The following AKIP1 variants were observed in gnomAD, a reference collection of about 807,000 sequenced individuals.
The protein encoded by AKIP1 is A-kinase-interacting protein 1.
A neutral mutation model predicts 22.3 loss-of-function variants in AKIP1; 18 were observed. The ratio of observed to expected loss-of-function variants is 0.81; its 90% CI spans 0.56 to 1.19. The LOEUF is 1.19. Ranked by LOEUF, AKIP1 falls within the 50% of genes most tolerant of loss-of-function variation. The pLI, the probability that AKIP1 is intolerant of heterozygous loss-of-function variation, is 0.00. For missense variants in AKIP1, 287 were observed against 264.6 expected (o/e 1.08, Z -0.59); for synonymous variants, 120 against 102.7 (o/e 1.17, Z -1.02).
At chr11:8,916,787 G>A (rs1205388032) in intron 4 of AKIP1, among the ~76,000 whole-genome samples, 1 of 152,172 alleles carries the variant, frequency 6.6e-6, no homozygotes. Flanking sequence ...CCTAAAGGGT[G>A]CACTTAGGTA....
At chr11:8,916,044 T>G (rs1435811556) in intron 4 of AKIP1, among the ~76,000 whole-genome samples, 2 of 151,914 alleles carry the variant, frequency 1.3e-5, no homozygotes, top group Non-Finnish European at 1.5e-5. Context: ...ATGGTCTCGA[T>G]CTCCCGACCT....
Position 8,914,817 on chromosome 11 carries a change from C to T in AKIP1, c.304-9C>T, listed in dbSNP as rs753328281. ...TGGTTAGCTAACATCTTTGACATTA[C>T]GTCTCTAGAAATATTATTCATCTGT... On this transcript the variant is annotated splice_polypyrimidine_tract_variant and intron_variant, in intron 3 of 5. Coordinates refer to ENST00000309377, the MANE Select transcript of AKIP1 (RefSeq NM_020642.4). 13 of 1,594,132 alleles carry T rather than the reference C, an allele frequency of 8.2e-6. No homozygotes were observed. The highest frequency in any genetic ancestry group is 2.7e-5 in the African/African-American group (2 of 74,524).
chr11:8,911,414 C>T, intron 1 of AKIP1, 30 bp from the exon 2 acceptor site: 1 of 1,533,944 alleles, frequency 6.5e-7, no homozygotes, highest in Non-Finnish European at 8.8e-7. Flanking sequence ...AGCTGACCCG[C>T]CGGCGTTTGT....
intron 4 of AKIP1, among the ~76,000 whole-genome samples, chr11:8,916,080 A>G (rs537180109): frequency 6.6e-6 from 1 of 152,128 alleles, no homozygotes; most frequent in East Asian, 1.9e-4. Flanking sequence ...TCGGCCTCCC[A>G]AAGTGCTGGG....
intron 5 of AKIP1, chr11:8,917,679 C>T (rs2064507745): frequency 2.2e-6 from 1 of 448,334 alleles, no homozygotes. Context: ...GCTGGAATTC[C>T]ACCATCTGTT....
chr11:8,919,237 A>C, intron 5 of AKIP1, 100 bp from the exon 6 acceptor site: 3 of 1,176,374 alleles, frequency 2.6e-6, no homozygotes, highest in East Asian at 2.4e-5. Flanking sequence ...TTAGCGCTTC[A>C]TTCCATCACA....
chr11:8,919,324 C>T lies in AKIP1; in HGVS notation c.490-13C>T. 1 of 1,608,842 alleles carries T rather than the reference C, an allele frequency of 6.2e-7. No homozygotes were observed. Among genetic ancestry groups the T allele is most frequent in the Non-Finnish European group, 8.5e-7 (1 of 1,178,376 alleles). ...AAAATCTCTAAACTGCTAATATCCT[C>T]TTTTCCTTCTAGGCTGAGAACATCT... On this transcript the variant is annotated splice_polypyrimidine_tract_variant and intron_variant, in intron 5 of 5. Transcript: ENST00000309377.
intron 4 of AKIP1, among the ~76,000 whole-genome samples, chr11:8,916,156 G>A (rs769001723): frequency 1.3e-4 from 19 of 151,688 alleles, no homozygotes; most frequent in Admixed American, 7.2e-4. Flanking sequence ...GAGTTTCACC[G>A]TGTTGGCCAG....
At chr11:8,919,299 A>G (rs768337859) in intron 5 of AKIP1, 38 bp from the exon 6 acceptor site, 1 of 1,594,370 alleles carries the variant, frequency 6.3e-7, no homozygotes, top group Admixed American at 1.8e-5. Context: ...ACTGGGGTAT[A>G]AAATCTCTAA....
At chr11:8,911,783 C>T in intron 2 of AKIP1, 112 bp downstream of exon 2, 1 of 1,087,222 alleles carries the variant, frequency 9.2e-7, no homozygotes, top group African/African-American at 1.6e-5. Context: ...TTAGCGGAAG[C>T]TGGAAAGGAT....
chr11:8,915,635 T>C (rs1453898827), intron 4 of AKIP1, among the ~76,000 whole-genome samples: 2 of 150,362 alleles, frequency 1.3e-5, no homozygotes, highest in Non-Finnish European at 3.0e-5. Flanking sequence ...TGTCATGTCT[T>C]TGGTAATTTT....
intron 3 of AKIP1, among the ~76,000 whole-genome samples, chr11:8,913,232 G>A (rs1405140431): frequency 6.8e-6 from 1 of 146,116 alleles, no homozygotes. Context: ...CCAGGCTGGT[G>A]TGCAGTGGCT....
chr11:8,912,472 C>A lies in AKIP1; in HGVS notation c.242C>A (p.Thr81Asn). 2 of 1,614,062 alleles carry A rather than the reference C, an allele frequency of 1.2e-6. No homozygotes were observed. The highest frequency in any genetic ancestry group is 1.7e-6 in the Non-Finnish European group (2 of 1,179,920). Residue 81 changes from threonine to asparagine, a missense_variant, in exon 3 of 6, where the codon ACC becomes AAC. Transcript: ENST00000309377. ...LPGEREERPP[T>N]LSASFRTMAE... is the part of the protein sequence containing the mutation. ...AAATAGAGAGAAGAGAGACCCCCAACCCTTAGTGCTTCCTTCAGAACAATG... is the reference window on the plus strand; with the variant it reads ...AAATAGAGAGAAGAGAGACCCCCAAACCTTAGTGCTTCCTTCAGAACAATG...
chr11:8,915,738 A>G (rs2064473997), intron 4 of AKIP1, among the ~76,000 whole-genome samples: 1 of 148,556 alleles, frequency 6.7e-6, no homozygotes, highest in South Asian at 2.1e-4. Flanking sequence ...TCCCAGGTTC[A>G]GACAATTCTG....
chr11:8,919,326 T>C lies in AKIP1; in HGVS notation c.490-11T>C. 6.2e-7 allele frequency: 1 copy of C among 1,608,828 alleles called. No homozygotes were observed. The highest frequency in any genetic ancestry group is 1.3e-5 in the African/African-American group (1 of 74,700). On this transcript the variant is annotated splice_polypyrimidine_tract_variant and intron_variant, in intron 5 of 5. Transcript: ENST00000309377. ...AATCTCTAAACTGCTAATATCCTCT[T>C]TTCCTTCTAGGCTGAGAACATCTCT...
At chr11:8,914,006 C>G (rs2064439656) in intron 3 of AKIP1, among the ~76,000 whole-genome samples, 1 of 152,212 alleles carries the variant, frequency 6.6e-6, no homozygotes, top group African/African-American at 2.4e-5. Flanking sequence ...GCCTCAGAAC[C>G]TCTTGGCTTT....
chr11:8,917,485 TTC>T (rs2064504294), intron 5 of AKIP1, 118 bp downstream of exon 5: 1 of 815,932 alleles, frequency 1.2e-6, no homozygotes. Context: ...AGTTGAGATG[TTC>T]TTACACTTAA....
chr11:8,911,246 G>C (rs2064331343), intron 1 of AKIP1, 23 bp downstream of exon 1: 1 of 577,674 alleles, frequency 1.7e-6, no homozygotes, highest in Non-Finnish European at 3.1e-6. Flanking sequence ...CCTAAGTAGC[G>C]GAAGGGGTAG....
chr11:8,917,349 T>C lies in AKIP1; in HGVS notation c.471T>C (p.Ala157=), dbSNP rs772320063. ...PGGSYQISEH[A]PEASQPAENI... is the part of the protein sequence containing the mutation. ...GCAGCTATCAAATATCAGAGCATGC[T>C]CCAGAGGCATCCCAGCCTGTGAGTA... The change falls in exon 5 of 6, where the codon GCT becomes GCC. Residue 157 remains alanine (A), a synonymous_variant. Transcript: ENST00000309377. The C allele has an allele frequency of 6.2e-7, 1 of 1,613,560 alleles. No homozygotes were observed. The highest frequency in any genetic ancestry group is 8.5e-7 in the Non-Finnish European group (1 of 1,179,826).
Sources: gnomAD v4.1 joint callset for allele counts (sites outside exome capture counted in the v4.1 genomes callset) on GRCh38, gnomAD v4.1.1 for gene constraint, MANE v1.5 for transcripts, NCBI Gene and HGNC (gene_info 2026-07-23, HGNC 2026-07-21) for gene names.